The following ZNF695 variants were observed in gnomAD, a reference collection of about 807,000 sequenced individuals.
ZNF695 encodes zinc finger protein SBZF3.
Under a neutral mutation model 11.2 loss-of-function variants are expected in ZNF695, and 11 were observed. The ratio of observed to expected loss-of-function variants is 0.98; its 90% CI spans 0.62 to 1.62. The LOEUF is 1.62. Among genes scored for constraint, ZNF695 ranks in the 40% most tolerant of loss-of-function variants. ZNF695 has a pLI of 0.00. For missense variants in ZNF695, 559 were observed against 590.5 expected (o/e 0.95, Z 0.55); for synonymous variants, 190 against 201.4 (o/e 0.94, Z 0.48).
At chr1:246,962,670 C>A (rs1328984101) in intron 5 of ZNF695, among the ~76,000 whole-genome samples, 2 of 152,018 alleles carry the variant, frequency 1.3e-5, no homozygotes, top group Non-Finnish European at 2.9e-5. Context: ...ACCTCTCTGA[C>A]CCCCTTCTGC....
At chr1:247,001,712 C>CAAAAAAAAAA in intron 1 of ZNF695, among the ~76,000 whole-genome samples, 1 of 79,282 alleles carries the variant, frequency 1.3e-5, no homozygotes, top group Non-Finnish European at 2.4e-5. Context: ...GACTTCGTCT[C>CAAAAAAAAAA]AAAAAAAAAA....
chr1:246,947,972 T>C (rs1479792519), intron 5 of ZNF695, among the ~76,000 whole-genome samples: 1 of 152,214 alleles, frequency 6.6e-6, no homozygotes, highest in Non-Finnish European at 1.5e-5. Context: ...ATTCCTTGAA[T>C]ACTGGAAGGA....
intron 1 of ZNF695, among the ~76,000 whole-genome samples, chr1:247,002,967 A>G (rs1669431934): frequency 2.0e-5 from 3 of 152,228 alleles, no homozygotes; most frequent in Admixed American, 6.5e-5. Context: ...TCAAAAAATA[A>G]CAGATGCCAA....
intron 5 of ZNF695, chr1:246,967,384 G>A (rs1668316293): frequency 2.2e-6 from 1 of 456,438 alleles, no homozygotes; most frequent in Non-Finnish European, 4.4e-6. Context: ...GGACAAGGGT[G>A]GGAGCAGTAG....
At chr1:246,971,765 A>G (rs1668433260) in intron 4 of ZNF695, among the ~76,000 whole-genome samples, 3 of 152,210 alleles carry the variant, frequency 2.0e-5, no homozygotes, top group Admixed American at 2.0e-4. Context: ...TATTTCTAGT[A>G]TAACTATTCT....
At chr1:246,958,144 C>T (rs1028739243) in intron 5 of ZNF695, among the ~76,000 whole-genome samples, 21 of 151,488 alleles carry the variant, frequency 1.4e-4, no homozygotes, top group African/African-American at 4.8e-4. Context: ...CTGCAAGCTC[C>T]GCCTCCCGGG....
At chr1:246,978,155 C>A (rs1039930937) in intron 4 of ZNF695, among the ~76,000 whole-genome samples, 2 of 152,180 alleles carry the variant, frequency 1.3e-5, no homozygotes, top group African/African-American at 4.8e-5. Flanking sequence ...CCTGTACTAT[C>A]ATGAGTTCTG....
intron 2 of ZNF695, 61 bp from the exon 3 acceptor site, chr1:246,999,501 T>A: frequency 7.5e-7 from 1 of 1,330,868 alleles, no homozygotes; most frequent in Non-Finnish European, 1.1e-6. Context: ...CCTTTTACTA[T>A]GCTCAGTAGA....
In ZNF695 at chr1:246,967,340, T is replaced by C. The variant is rs577466861; in HGVS notation, c.488+355A>G. On this transcript the variant is annotated intron_variant, in intron 5 of 5. Coordinates refer to the ZNF695 transcript ENST00000487338. ...GGCAAGGACAGCTGTTAGAAGACTG[T>C]TGCAAAACCCCAAGCTAGAAATGCT... is the stretch of plus-strand genomic sequence containing the variant. 2.0e-5 allele frequency: 9 copies of C among 456,362 alleles called. 1 individual carries two copies. Among genetic ancestry groups the C allele is most frequent in the African/African-American group, 8.0e-5 (4 of 50,180 alleles). 28.3% of individuals were successfully genotyped at this position (456,362 alleles called of 1,614,324 possible). A position where few individuals can be genotyped will look rare whatever the true frequency, so the allele number is the denominator to read the frequency against.
At chr1:246,972,404 C>G (rs184288447) in intron 4 of ZNF695, among the ~76,000 whole-genome samples, 1 of 152,176 alleles carries the variant, frequency 6.6e-6, no homozygotes. Context: ...TAAGTTTCTG[C>G]GTTGTTATGA....
At chr1:246,998,067 G>A (rs1669259838) in intron 3 of ZNF695, among the ~76,000 whole-genome samples, 1 of 152,166 alleles carries the variant, frequency 6.6e-6, no homozygotes. Flanking sequence ...CATGTGAAGT[G>A]ACAGATGTGT....
rs1668914725 is a variant in ZNF695 at position 246,988,202 on chromosome 1, A to C, written c.313T>G (p.Ser105Ala). The part of the protein sequence containing the change: ...DILPEQGLQV[S>A]FQKVMLRRYE... The stretch of plus-strand genomic sequence containing the variant: ...CTTCTCAGCATCACTTTTTGGAATG[A>C]AACTTGCAGGCCCTGCTCTGGCAAA... The change falls in exon 4 of 4, where the codon TCA (serine) becomes GCA (alanine). Residue 105 changes from serine (S) to alanine (A), a missense_variant. Coordinates refer to ENST00000339986, the MANE Select transcript of ZNF695 (RefSeq NM_020394.5). 1.4e-5 allele frequency: 23 copies of C among 1,602,660 alleles called. No individual in the cohort carries two copies. Among genetic ancestry groups the C allele is most frequent in the Non-Finnish European group, 2.0e-5 (23 of 1,176,080 alleles).
At chr1:246,982,232 T>C (rs570304716), downstream of ZNF695, among the ~76,000 whole-genome samples, 1 of 138,482 alleles carries the variant, frequency 7.2e-6, no homozygotes, top group East Asian at 2.3e-4. Context: ...ATCGCGCCAT[T>C]GCACTCCAGC....
At chr1:246,961,671 C>T (rs1446942445) in intron 5 of ZNF695, among the ~76,000 whole-genome samples, 1 of 152,224 alleles carries the variant, frequency 6.6e-6, no homozygotes, top group African/African-American at 2.4e-5. Flanking sequence ...CCAATTGTCA[C>T]CCACTGGTCC....
chr1:246,945,549 A>T (rs1380957083), downstream of ZNF695: 1 of 487,894 alleles, frequency 2.0e-6, no homozygotes, highest in African/African-American at 2.0e-5. Flanking sequence ...TAAAAAATGA[A>T]TTAATACATT....
chr1:246,961,534 C>G (rs746650679), intron 5 of ZNF695, among the ~76,000 whole-genome samples: 1 of 152,260 alleles, frequency 6.6e-6, no homozygotes, highest in South Asian at 2.1e-4. Flanking sequence ...TCTCTTCATA[C>G]GTACAGGAAG....
rs537715944 is a variant in ZNF695, at chr1:247,000,005, G to A, written c.73C>T (p.Gln25Ter). Reference sequence around the variant, plus strand: ...ATCACATCCCTATACAAACTCCGCTGAGCTGGGTCCAGGCATTCCCACTCC... The same window carrying A: ...ATCACATCCCTATACAAACTCCGCTAAGCTGGGTCCAGGCATTCCCACTCC... ...PEEWECLDPA[Q>*]RSLYRDVMLE... is the part of the protein sequence containing the mutation. The change falls in exon 2 of 4, where the codon CAG becomes TAG. Residue 25 changes from glutamine to a stop codon, truncating the protein, a stop_gained. Transcript: ENST00000339986. LOFTEE classifies it high-confidence loss of function. 10 of 1,614,108 alleles carry A rather than the reference G, an allele frequency of 6.2e-6. No individual in the cohort carries two copies. The South Asian group carries it at 9.9e-5, about 16-fold the overall frequency.
intron 3 of ZNF695, among the ~76,000 whole-genome samples, chr1:246,994,543 A>G (rs952635700): frequency 2.0e-5 from 3 of 151,772 alleles, no homozygotes; most frequent in Admixed American, 2.0e-4. Flanking sequence ...CCTATCTCGA[A>G]AAAACAAAAC....
In ZNF695 at chr1:246,999,989, C is replaced by T; in HGVS notation, c.89G>A (p.Arg30Lys). The T allele has an allele frequency of 6.2e-7, 1 of 1,614,152 alleles. No homozygotes were observed. Among genetic ancestry groups the T allele is most frequent in the Non-Finnish European group, 8.5e-7 (1 of 1,179,996 alleles). The change falls in exon 2 of 4, where the codon AGG becomes AAG. Residue 30 changes from arginine (R) to lysine (K), a missense_variant. Arg to Lys is a conservative substitution (Grantham distance 26). Transcript: ENST00000339986. ...TCTGTAGTTCTCTAACATCACATCC[C>T]TATACAAACTCCGCTGAGCTGGGTC... ...CLDPAQRSLYRDVMLENYRNL... is the reference protein window; with the variant it reads ...CLDPAQRSLYKDVMLENYRNL...
Sources: allele counts gnomAD v4.1 joint callset (sites outside exome capture counted in the v4.1 genomes callset), GRCh38; gene constraint gnomAD v4.1.1; transcripts MANE v1.5; gene names NCBI Gene and HGNC (gene_info 2026-07-23, HGNC 2026-07-21).